The following CNTNAP2 variants were observed in gnomAD, a reference collection of about 807,000 sequenced individuals.
CNTNAP2 encodes contactin-associated protein-like 2.
In CNTNAP2, 98 loss-of-function variants were observed where a neutral mutation model predicts 155.2. The ratio of observed to expected loss-of-function variants is 0.63; its 90% confidence interval spans 0.54 to 0.75. The LOEUF (loss-of-function observed/expected upper bound fraction) is 0.75. Among genes scored for constraint, CNTNAP2 ranks in the 30% least tolerant of loss-of-function variants. The pLI is 0.00. For missense variants in CNTNAP2, 1,727 were observed against 1,688.1 expected (o/e 1.02, Z -0.40); for synonymous variants, 651 against 631.2 (o/e 1.03, Z -0.47).
chr7:147,250,290 A>T (rs1804167421), intron 8 of CNTNAP2, among the ~76,000 whole-genome samples: 1 of 152,098 alleles, frequency 6.6e-6, no homozygotes, highest in African/African-American at 2.4e-5. Flanking sequence ...TCCAAGTAAA[A>T]CTTTTGGAAG....
At chr7:147,691,961 C>A (rs1159645786) in intron 13 of CNTNAP2, among the ~76,000 whole-genome samples, 1 of 152,092 alleles carries the variant, frequency 6.6e-6, no homozygotes, top group Non-Finnish European at 1.5e-5. Flanking sequence ...GTGTCTACTA[C>A]TGTAGTATCA....
At chr7:146,117,242 T>C in intron 1 of CNTNAP2, 1 of 481,708 alleles carries the variant, frequency 2.1e-6, no homozygotes, top group East Asian at 3.3e-5. Context: ...CTAGAGAGAC[T>C]GATGTAGATG....
intron 1 of CNTNAP2, among the ~76,000 whole-genome samples, chr7:146,751,285 T>C (rs1801899499): frequency 6.6e-6 from 1 of 152,158 alleles, no homozygotes; most frequent in South Asian, 2.1e-4. Flanking sequence ...AATTAAAGTA[T>C]TTTTACCTTT....
chr7:147,094,487 C>A (rs543158031), intron 4 of CNTNAP2, among the ~76,000 whole-genome samples: 1 of 150,846 alleles, frequency 6.6e-6, no homozygotes, highest in Non-Finnish European at 1.5e-5. Flanking sequence ...CTGCAAGCTC[C>A]GCCTCCTGGG....
At chr7:148,392,535 T>A (rs1178251188) in intron 22 of CNTNAP2, among the ~76,000 whole-genome samples, 1 of 152,190 alleles carries the variant, frequency 6.6e-6, no homozygotes, top group Non-Finnish European at 1.5e-5. Flanking sequence ...CCTTAAGTTA[T>A]CTGGTTCTCT....
At chr7:146,913,316 A>G (rs1032245537) in intron 3 of CNTNAP2, among the ~76,000 whole-genome samples, 1 of 152,170 alleles carries the variant, frequency 6.6e-6, no homozygotes, top group Admixed American at 6.6e-5. Flanking sequence ...CTTCATTCAG[A>G]GAAGGCACTG....
At chr7:148,067,636 G>C (rs1334296181) in intron 15 of CNTNAP2, among the ~76,000 whole-genome samples, 1 of 152,230 alleles carries the variant, frequency 6.6e-6, no homozygotes, top group Admixed American at 6.5e-5. Flanking sequence ...GAGAGCATCA[G>C]CTGAAACAAG....
chr7:146,789,153 C>A (rs1190755924), intron 2 of CNTNAP2, among the ~76,000 whole-genome samples: 2 of 152,148 alleles, frequency 1.3e-5, no homozygotes, highest in African/African-American at 2.4e-5. Context: ...TAGATTCTTG[C>A]CTAAGGTCAC....
Position 146,831,247 on chromosome 7 carries a change from T to C in CNTNAP2, c.209-8464T>C, listed in dbSNP as rs1235268014. Among the ~76,000 whole-genome samples, 6 of 152,026 alleles carry C rather than the reference T, an allele frequency of 3.9e-5. No individual in the cohort carries two copies. The East Asian group carries it at 1.2e-3, about 29-fold the overall frequency. On this transcript the variant is annotated intron_variant, in intron 2 of 23. Coordinates refer to ENST00000361727, the MANE Select transcript of CNTNAP2 (RefSeq NM_014141.6). ...CCAACTTCACTGTTTTTAAAATTTATGGTTTTTATGGTTTTTAGTTTTTGA... is the reference window on the plus strand; with the variant it reads ...CCAACTTCACTGTTTTTAAAATTTACGGTTTTTATGGTTTTTAGTTTTTGA...
At chr7:148,204,412 T>C (rs2116735418) in intron 18 of CNTNAP2, among the ~76,000 whole-genome samples, 1 of 152,314 alleles carries the variant, frequency 6.6e-6, no homozygotes, top group East Asian at 1.9e-4. Context: ...ACAAAAGATA[T>C]GTACTGCTTT....
At chr7:146,254,826 A>G (rs1018905936) in intron 1 of CNTNAP2, among the ~76,000 whole-genome samples, 1 of 152,216 alleles carries the variant, frequency 6.6e-6, no homozygotes, top group Non-Finnish European at 1.5e-5. Flanking sequence ...ACCATATTCA[A>G]GCTGTAATCA....
At chr7:146,754,849 A>G (rs1313650714) in intron 1 of CNTNAP2, among the ~76,000 whole-genome samples, 2 of 151,932 alleles carry the variant, frequency 1.3e-5, no homozygotes, top group Non-Finnish European at 2.9e-5. Context: ...TCTCAAAACT[A>G]TTTTCCTGTT....
intron 13 of CNTNAP2, among the ~76,000 whole-genome samples, chr7:147,789,463 C>T (rs1294794845): frequency 7.9e-5 from 12 of 152,214 alleles, no homozygotes; most frequent in Admixed American, 7.8e-4. Context: ...TGACTCCTCC[C>T]CAGTCTTACC....
intron 11 of CNTNAP2, among the ~76,000 whole-genome samples, chr7:147,509,842 G>GGGTACTTCT (rs1368751834): frequency 6.6e-6 from 1 of 152,000 alleles, no homozygotes. Flanking sequence ...GTTAATTCCT[G>GGGTACTTCT]GGTACTTCTG....
At chr7:146,724,352 A>G (rs541756268) in intron 1 of CNTNAP2, among the ~76,000 whole-genome samples, 1 of 152,152 alleles carries the variant, frequency 6.6e-6, no homozygotes, top group South Asian at 2.1e-4. Flanking sequence ...TGTAATGCAT[A>G]GTAGAGCATT....
intron 21 of CNTNAP2, among the ~76,000 whole-genome samples, chr7:148,286,779 A>G (rs1307393548): frequency 6.6e-6 from 1 of 152,210 alleles, no homozygotes; most frequent in African/African-American, 2.4e-5. Flanking sequence ...AGCCTTTTCA[A>G]TTGACTGTAA....
chr7:147,066,551 T>C lies in CNTNAP2; in HGVS notation c.550+22497T>C, dbSNP rs570014836. 3.3e-5 allele frequency among the ~76,000 whole-genome samples: 5 copies of C among 152,370 alleles called. No homozygotes were observed. The East Asian group carries it at 9.6e-4, about 29-fold the overall frequency. ...TCTATTTAAGCCTTACAGGAGATTT[T>C]AAGTTTCCTAAAATTCTTGCTGTGT... On this transcript the variant is annotated intron_variant, in intron 4 of 23. Coordinates refer to ENST00000361727, the MANE Select transcript of CNTNAP2 (RefSeq NM_014141.6).
chr7:146,281,021 T>C lies in CNTNAP2; in HGVS notation c.97+164048T>C, dbSNP rs572613905. Among the ~76,000 whole-genome samples, 309 of 152,256 alleles carry C rather than the reference T, an allele frequency of 2.0e-3. 3 individuals are homozygous for C. The highest frequency in any genetic ancestry group is 7.0e-3 in the African/African-American group (290 of 41,564). On this transcript the variant is annotated intron_variant, in intron 1 of 23. Coordinates refer to ENST00000361727, the MANE Select transcript of CNTNAP2 (RefSeq NM_014141.6). The stretch of plus-strand genomic sequence containing the variant: ...TCAATTCCTGGAAACCTTGGCCATC[T>C]TGCTCCCTCTGTGAGGATGAGGGTT...
intron 10 of CNTNAP2, among the ~76,000 whole-genome samples, chr7:147,421,339 A>G (rs1797287399): frequency 6.6e-6 from 1 of 152,158 alleles, no homozygotes; most frequent in African/African-American, 2.4e-5. Flanking sequence ...ATAATTTGAT[A>G]GAAAAATATT....
Sources: allele counts gnomAD v4.1 joint callset (sites outside exome capture counted in the v4.1 genomes callset), GRCh38; gene constraint gnomAD v4.1.1; transcripts MANE v1.5; gene names NCBI Gene and HGNC (gene_info 2026-07-23, HGNC 2026-07-21).